Variants in CACHD1 observed in about 807,000 individuals in gnomAD.
The protein encoded by CACHD1 is VWFA and cache domain-containing protein 1.
CACHD1 carries 71 observed loss-of-function variants against 138.7 expected under a neutral mutation model. That is an observed-to-expected ratio of 0.51 (90% CI 0.42 to 0.62). CACHD1 has a LOEUF of 0.62. Among genes scored for constraint, CACHD1 ranks in the 20% least tolerant of loss-of-function variants. The pLI is 0.00. For missense variants in CACHD1, 1,389 were observed against 1,625.3 expected (o/e 0.85, Z 2.50); for synonymous variants, 578 against 591.5 (o/e 0.98, Z 0.33).
chr1:64,542,126 C>T (rs1287099958), intron 1 of CACHD1, among the ~76,000 whole-genome samples: 1 of 152,116 alleles, frequency 6.6e-6, no homozygotes, highest in Non-Finnish European at 1.5e-5. Flanking sequence ...TTCATCTTCT[C>T]GTTTATGAGA....
chr1:64,585,307 A>G (rs1267017440), intron 3 of CACHD1, among the ~76,000 whole-genome samples: 1 of 152,230 alleles, frequency 6.6e-6, no homozygotes, highest in Non-Finnish European at 1.5e-5. Context: ...ATATGTTGAG[A>G]TAAGGGTTCA....
intron 26 of CACHD1, among the ~76,000 whole-genome samples, chr1:64,688,920 A>G (rs540878684): frequency 2.7e-4 from 41 of 152,222 alleles, no homozygotes; most frequent in Admixed American, 7.8e-4. Flanking sequence ...GGTCTACCCA[A>G]TTGTCACCTC....
chr1:64,630,355 T>TGCAATG lies in CACHD1; in HGVS notation c.644+878_644+883dup, dbSNP rs998843273. On this transcript the variant is annotated intron_variant, in intron 5 of 26. Transcript: ENST00000651257. The stretch of plus-strand genomic sequence containing the variant: ...TTTGCTCTTGTTGCCCAGGCTGGAG[T>TGCAATG]GCAATGGCACGATCTCAGCTCTGCA... Among the ~76,000 whole-genome samples the TGCAATG allele has an allele frequency of 9.3e-5, 14 of 150,718 alleles. No homozygotes were observed. The Admixed American group carries it at 9.4e-4, about 10-fold the overall frequency.
At chr1:64,505,842 C>G (rs1369680968) in intron 1 of CACHD1, 2 of 142,326 alleles carry the variant, frequency 1.4e-5, no homozygotes, top group Non-Finnish European at 3.0e-5. Context: ...CTTTGTTCCC[C>G]GGCCTCGCCC....
chr1:64,673,503 T>C, intron 19 of CACHD1, 39 bp downstream of exon 19: 1 of 1,456,110 alleles, frequency 6.9e-7, no homozygotes, highest in South Asian at 1.1e-5. Context: ...CATTTTTCCA[T>C]CCCATTATGG....
chr1:64,579,496 T>C (rs1280904546), intron 2 of CACHD1, among the ~76,000 whole-genome samples: 2 of 152,198 alleles, frequency 1.3e-5, no homozygotes, highest in African/African-American at 4.8e-5. Context: ...CATCTTATGT[T>C]CATTATGTTA....
At chr1:64,602,390 T>G (rs1226501355) in intron 3 of CACHD1, among the ~76,000 whole-genome samples, 1 of 152,132 alleles carries the variant, frequency 6.6e-6, no homozygotes, top group East Asian at 1.9e-4. Context: ...CTACTGTCTA[T>G]TTTTGTACTT....
At chr1:64,491,259 T>TC (rs1646273001) in intron 1 of CACHD1, among the ~76,000 whole-genome samples, 1 of 139,732 alleles carries the variant, frequency 7.2e-6, no homozygotes, top group African/African-American at 3.1e-5. Flanking sequence ...TCTCTCTCTC[T>TC]CTTTTTTTTT....
intron 1 of CACHD1, among the ~76,000 whole-genome samples, chr1:64,532,563 A>G (rs1460792749): frequency 2.6e-5 from 4 of 152,158 alleles, no homozygotes; most frequent in African/African-American, 9.7e-5. Context: ...GAGAACACTC[A>G]TCAAGTTTGA....
chr1:64,555,766 G>A (rs1330491256), intron 2 of CACHD1, among the ~76,000 whole-genome samples: 1 of 152,208 alleles, frequency 6.6e-6, no homozygotes, highest in Non-Finnish European at 1.5e-5. Flanking sequence ...GGTGTTGGAT[G>A]TGAAGTAGGT....
At chr1:64,472,199 G>A (rs1646149659) in intron 1 of CACHD1, among the ~76,000 whole-genome samples, 1 of 151,072 alleles carries the variant, frequency 6.6e-6, no homozygotes, top group Non-Finnish European at 1.5e-5. Context: ...TCGTCGCGTC[G>A]TCCTCCTCGT....
intron 2 of CACHD1, among the ~76,000 whole-genome samples, chr1:64,553,990 C>A (rs1646778506): frequency 6.6e-6 from 1 of 152,016 alleles, no homozygotes; most frequent in South Asian, 2.1e-4. Flanking sequence ...ATTTATGTAT[C>A]CATTTTATAG....
At chr1:64,508,127 T>C (rs1041457077) in intron 1 of CACHD1, among the ~76,000 whole-genome samples, 22 of 152,098 alleles carry the variant, frequency 1.4e-4, no homozygotes, top group African/African-American at 5.1e-4. Flanking sequence ...GGGGAGGTGC[T>C]ACACACTTTG....
chr1:64,475,710 C>A (rs372155434), intron 1 of CACHD1, among the ~76,000 whole-genome samples: 1 of 152,024 alleles, frequency 6.6e-6, no homozygotes. Flanking sequence ...CGACACCCGG[C>A]TAATTTTTTT....
chr1:64,520,338 C>T (rs760131949), intron 1 of CACHD1, among the ~76,000 whole-genome samples: 4 of 152,186 alleles, frequency 2.6e-5, no homozygotes, highest in South Asian at 2.1e-4. Flanking sequence ...AGAAGCCATT[C>T]GTCTCACACA....
intron 2 of CACHD1, among the ~76,000 whole-genome samples, chr1:64,580,516 G>T (rs1483556910): frequency 6.6e-6 from 1 of 152,096 alleles, no homozygotes; most frequent in Non-Finnish European, 1.5e-5. Flanking sequence ...AAAACATCTG[G>T]TTAATAATTA....
intron 4 of CACHD1, among the ~76,000 whole-genome samples, chr1:64,606,286 C>G (rs529116069): frequency 2.0e-5 from 3 of 152,186 alleles, no homozygotes; most frequent in East Asian, 3.9e-4. Context: ...GAGCAGATGA[C>G]TTACTATTTC....
At chr1:64,663,394 T>C (rs1649511713) in intron 13 of CACHD1, among the ~76,000 whole-genome samples, 1 of 151,546 alleles carries the variant, frequency 6.6e-6, no homozygotes, top group African/African-American at 2.4e-5. Flanking sequence ...CTACTAAAAA[T>C]ACAAAAATAA....
intron 4 of CACHD1, among the ~76,000 whole-genome samples, chr1:64,622,071 G>C (rs1327209899): frequency 1.3e-5 from 2 of 152,088 alleles, no homozygotes; most frequent in Non-Finnish European, 1.5e-5. Flanking sequence ...GAATTAAATA[G>C]AAAATGCAAA....
Sources: gnomAD v4.1 joint callset for allele counts (sites outside exome capture counted in the v4.1 genomes callset) on GRCh38, gnomAD v4.1.1 for gene constraint, MANE v1.5 for transcripts, NCBI Gene and HGNC (gene_info 2026-07-23, HGNC 2026-07-21) for gene names.